The following ANO3 variants were observed in gnomAD, a reference collection of about 807,000 sequenced individuals.
The protein encoded by ANO3 is anoctamin-3.
A neutral mutation model predicts 144.8 loss-of-function variants in ANO3; 99 were observed. That is an observed-to-expected ratio of 0.68 (90% CI 0.58 to 0.81). ANO3 has a LOEUF of 0.81. ANO3 is among the 30% of genes least tolerant of loss of function. The pLI is 0.00. For synonymous variants in ANO3, 414 were observed against 392.6 expected (o/e 1.05, Z -0.64); for missense variants, 905 against 1,202.2 (o/e 0.75, Z 3.66).
intron 10 of ANO3, among the ~76,000 whole-genome samples, chr11:26,540,018 C>T (rs1431258485): frequency 3.9e-5 from 6 of 151,996 alleles, no homozygotes; most frequent in Middle Eastern, 6.8e-3. Context: ...ATATAGTCAC[C>T]GCATATATTG....
At chr11:26,616,915 G>A (rs1425971939) in intron 17 of ANO3, among the ~76,000 whole-genome samples, 1 of 152,122 alleles carries the variant, frequency 6.6e-6, no homozygotes, top group Non-Finnish European at 1.5e-5. Flanking sequence ...TGGGACTACA[G>A]GCGCACGCCA....
intron 14 of ANO3, among the ~76,000 whole-genome samples, chr11:26,584,143 G>GT (rs200083649): frequency 1.3e-3 from 153 of 122,124 alleles, no homozygotes; most frequent in African/African-American, 4.1e-3. Flanking sequence ...ATTCTGTCTT[G>GT]TTTTTTTGTT....
At chr11:26,305,237 A>G (rs1268716379), upstream of ANO3, among the ~76,000 whole-genome samples, 1 of 151,738 alleles carries the variant, frequency 6.6e-6, no homozygotes, top group Non-Finnish European at 1.5e-5. Flanking sequence ...GTCTTTCAGC[A>G]TTGATAATGC....
rs767893775 is a variant in ANO3 at position 26,656,199 on chromosome 11, A to G, written c.2651A>G (p.Tyr884Cys). Residue 884 changes from tyrosine to cysteine, a missense_variant, in exon 25 of 27, where the codon TAT becomes TGT. Around this residue, in one of 4 missense-constraint regions of ANO3, gnomAD observed 597 missense variants for 865.1 expected, o/e 0.69. Transcript: ENST00000256737. Reference protein sequence around the residue: ...LSELGMGKSGYCRYRDYRGPP... With the variant: ...LSELGMGKSGCCRYRDYRGPP... ...GAGCTTGGTATGGGAAAATCTGGTTATTGCAGGTACTTATAATAGTTATCT... is the reference window on the plus strand; with the variant it reads ...GAGCTTGGTATGGGAAAATCTGGTTGTTGCAGGTACTTATAATAGTTATCT... The G allele has an allele frequency of 6.2e-7, 1 of 1,612,720 alleles. No homozygotes were observed. Among genetic ancestry groups the G allele is most frequent in the Non-Finnish European group, 8.5e-7 (1 of 1,178,834 alleles).
chr11:26,463,247 AAAG>A (rs1294040235), intron 4 of ANO3, 99 bp downstream of exon 4: 1 of 604,080 alleles, frequency 1.7e-6, no homozygotes, highest in Non-Finnish European at 2.9e-6. Context: ...GGAGAATATA[AAAG>A]AATATACATG....
At chr11:26,544,703 T>C (rs767690381) in intron 11 of ANO3, among the ~76,000 whole-genome samples, 31 of 116,528 alleles carry the variant, frequency 2.7e-4, no homozygotes, top group African/African-American at 6.3e-4. Context: ...GCAATAAATA[T>C]GTACAATTTT....
rs746179591 is a variant in ANO3 at position 26,561,164 on chromosome 11, G to A, written c.1447+1385G>A. On this transcript the variant is annotated intron_variant, in intron 14 of 26. Transcript: ENST00000256737. Reference sequence around the variant, plus strand: ...TGGCTGAATCATTCAAAGTTGGATTGTAGTAGCTAGAATTCCCAAAACTCA... The same window carrying A: ...TGGCTGAATCATTCAAAGTTGGATTATAGTAGCTAGAATTCCCAAAACTCA... The A allele has an allele frequency of 1.8e-5, 29 of 1,612,554 alleles. No homozygotes were observed. In the East Asian group the frequency reaches 5.6e-4, roughly 31 times the overall value.
intron 1 of ANO3, among the ~76,000 whole-genome samples, chr11:26,245,678 GATT>G (rs1433726459): frequency 6.6e-6 from 1 of 152,182 alleles, no homozygotes; most frequent in Non-Finnish European, 1.5e-5. Flanking sequence ...GTAAATGACA[GATT>G]AATAGGATAA....
At chr11:26,243,339 C>CT (rs1030346024) in intron 1 of ANO3, among the ~76,000 whole-genome samples, 52 of 147,444 alleles carry the variant, frequency 3.5e-4, no homozygotes, top group South Asian at 6.5e-4. Flanking sequence ...AAAGTAAAGG[C>CT]TTTTTTTTTT....
intron 14 of ANO3, among the ~76,000 whole-genome samples, chr11:26,596,734 A>G (rs1851640403): frequency 1.3e-5 from 2 of 152,290 alleles, no homozygotes; most frequent in South Asian, 2.1e-4. Flanking sequence ...CACTTTCAAG[A>G]AAGTCATGGT....
intron 1 of ANO3, among the ~76,000 whole-genome samples, chr11:26,397,614 G>A (rs1042899995): frequency 1.3e-5 from 2 of 152,050 alleles, no homozygotes; most frequent in Non-Finnish European, 2.9e-5. Context: ...GCACAATGAT[G>A]TTTCAAGACA....
rs145083033 is a variant in ANO3 at position 26,612,289 on chromosome 11, C to T, written c.1837-12173C>T. 6.3e-3 allele frequency among the ~76,000 whole-genome samples: 955 copies of T among 151,794 alleles called. 5 individuals are homozygous for T. Among genetic ancestry groups the T allele is most frequent in the Non-Finnish European group, 0.01 (690 of 67,896 alleles). ...TGTGACTGCTGTAATTTCTTTCTTT[C>T]GGGCTACCATGGGGCTAACCTAAAT... On this transcript the variant is annotated intron_variant, in intron 17 of 26. Transcript: ENST00000256737.
intron 1 of ANO3, among the ~76,000 whole-genome samples, chr11:26,372,780 T>C (rs897752819): frequency 6.6e-6 from 1 of 152,104 alleles, no homozygotes; most frequent in African/African-American, 2.4e-5. Context: ...AGACATAACA[T>C]TAAACAAGGA....
intron 13 of ANO3, among the ~76,000 whole-genome samples, chr11:26,557,547 A>G (rs1236903469): frequency 6.6e-6 from 1 of 151,888 alleles, no homozygotes; most frequent in African/African-American, 2.4e-5. Context: ...AAAATAATTT[A>G]ATGTATTACA....
At chr11:26,276,269 GATACC>G (rs1853558183) in intron 1 of ANO3, among the ~76,000 whole-genome samples, 1 of 152,040 alleles carries the variant, frequency 6.6e-6, no homozygotes, top group Non-Finnish European at 1.5e-5. Flanking sequence ...GAAAAATGCA[GATACC>G]TAAACTCTAC....
chr11:26,471,977 G>A (rs1218031892), intron 4 of ANO3, among the ~76,000 whole-genome samples: 1 of 151,882 alleles, frequency 6.6e-6, no homozygotes, highest in East Asian at 1.9e-4. Context: ...AAGGATGTTA[G>A]CTCTAAAATG....
chr11:26,656,595 C>G, intron 26 of ANO3, 114 bp downstream of exon 26: 1 of 697,440 alleles, frequency 1.4e-6, no homozygotes, highest in South Asian at 1.7e-5. Context: ...TTAAGTAGGT[C>G]CCGTAAAAGG....
At chr11:26,435,837 C>T (rs908236023) in intron 1 of ANO3, among the ~76,000 whole-genome samples, 1 of 152,118 alleles carries the variant, frequency 6.6e-6, no homozygotes, top group East Asian at 1.9e-4. Context: ...TTGCCATTCT[C>T]CTAAATCTTG....
intron 1 of ANO3, among the ~76,000 whole-genome samples, chr11:26,222,705 T>C (rs1852172256): frequency 6.6e-6 from 1 of 152,230 alleles, no homozygotes; most frequent in South Asian, 2.1e-4. Flanking sequence ...TAATGCCACA[T>C]TGAAGCTACC....
Sources: allele counts gnomAD v4.1 joint callset (sites outside exome capture counted in the v4.1 genomes callset), GRCh38; gene constraint gnomAD v4.1.1; regional missense constraint gnomAD v4.1.1; transcripts MANE v1.5; gene names NCBI Gene and HGNC (gene_info 2026-07-23, HGNC 2026-07-21).